The following NAV3 variants were observed in gnomAD, a reference collection of about 807,000 sequenced individuals.
The protein encoded by NAV3 is pore membrane and/or filament interacting like protein 1.
A neutral mutation model predicts 244.7 loss-of-function variants in NAV3; 87 were observed. The ratio of observed to expected loss-of-function variants is 0.36; its 90% CI spans 0.30 to 0.42. The LOEUF is 0.42. NAV3 is among the 20% of genes least tolerant of loss of function. NAV3 has a pLI of 1.00. For missense variants in NAV3, 2,663 were observed against 2,893.3 expected, an observed-to-expected ratio of 0.92 and a Z score of 1.83; for synonymous variants, 1,126 against 1,042.2, an observed-to-expected ratio of 1.08 and a Z score of -1.55.
intron 1 of NAV3, 122 bp from the exon 2 acceptor site, chr12:77,940,197 A>C: frequency 1.4e-6 from 1 of 704,256 alleles, no homozygotes. Context: ...TAGAGCTATG[A>C]CTTCTTAAAC....
At chr12:77,879,160 C>G (rs1882264980) in intron 1 of NAV3, among the ~76,000 whole-genome samples, 1 of 152,072 alleles carries the variant, frequency 6.6e-6, no homozygotes, top group South Asian at 2.1e-4. Flanking sequence ...AGTTGCGAAC[C>G]CGCTTGGATA....
rs75738397 is a variant in NAV3 at position 78,118,170 on chromosome 12, C to T, written c.2913C>T (p.Asp971=). Residue 971 remains aspartate, a synonymous_variant, in exon 14 of 40, where the codon GAC becomes GAT. Coordinates refer to ENST00000397909, the MANE Select transcript of NAV3 (RefSeq NM_001024383.2). The part of the protein sequence containing the change: ...WKTVSSGLPE[D]PEKAGQKASL... ...CTGTGTCCTCTGGACTTCCTGAAGA[C>T]CCCGAGAAGGCAGGGCAGAAAGCTT... 6.2e-7 allele frequency: 1 copy of T among 1,613,990 alleles called. No homozygotes were observed. The highest frequency in any genetic ancestry group is 1.1e-5 in the South Asian group (1 of 91,054).
chr12:77,700,662 T>C (rs1875521048), intron 2 of NAV3, among the ~76,000 whole-genome samples: 1 of 152,018 alleles, frequency 6.6e-6, no homozygotes, highest in Admixed American at 6.6e-5. Context: ...TCTTTTACTA[T>C]TGAGTATGAT....
chr12:77,654,623 TG>T (rs1872995326), intron 2 of NAV3, among the ~76,000 whole-genome samples: 7 of 152,146 alleles, frequency 4.6e-5, no homozygotes, highest in Admixed American at 4.6e-4. Context: ...AGCACGCAGC[TG>T]GAGATCTGAG....
intron 2 of NAV3, among the ~76,000 whole-genome samples, chr12:77,614,739 A>G (rs1871081620): frequency 6.6e-6 from 1 of 152,198 alleles, no homozygotes; most frequent in Non-Finnish European, 1.5e-5. Context: ...TAGTAAAACT[A>G]TGTGCTTTCA....
chr12:77,823,752 G>C (rs955606287), intron 2 of NAV3, among the ~76,000 whole-genome samples: 2 of 152,092 alleles, frequency 1.3e-5, no homozygotes, highest in Admixed American at 1.3e-4. Context: ...AATGTGACAT[G>C]ACTCATATCC....
intron 2 of NAV3, among the ~76,000 whole-genome samples, chr12:77,741,148 C>CAAAAAAAAAAAAAAAAAAAAAAAAAAAGA: frequency 2.9e-5 from 2 of 68,670 alleles, no homozygotes; most frequent in Admixed American, 1.8e-4. Flanking sequence ...AAAAAAAAGA[C>CAAAAAAAAAAAAAAAAAAAAAAAAAAAGA]AAAAAAAAAA....
chr12:77,837,254 GTT>G (rs1483629563), intron 1 of NAV3, among the ~76,000 whole-genome samples: 4 of 149,952 alleles, frequency 2.7e-5, no homozygotes, highest in Non-Finnish European at 4.4e-5. Flanking sequence ...AACTTTAAAA[GTT>G]TACATAACTT....
chr12:77,959,184 C>T (rs1891642116), intron 3 of NAV3, among the ~76,000 whole-genome samples: 1 of 152,126 alleles, frequency 6.6e-6, no homozygotes, highest in Non-Finnish European at 1.5e-5. Flanking sequence ...AAATTGGAAT[C>T]ACCTGCAGAT....
chr12:77,989,552 T>C (rs540943670), intron 5 of NAV3, among the ~76,000 whole-genome samples: 70 of 152,324 alleles, frequency 4.6e-4, no homozygotes, highest in African/African-American at 1.6e-3. Flanking sequence ...TAGACACTTA[T>C]GTAGCAACAG....
chr12:78,068,622 AT>A (rs1368274428), intron 12 of NAV3, among the ~76,000 whole-genome samples: 4 of 147,288 alleles, frequency 2.7e-5, no homozygotes, highest in Admixed American at 6.8e-5. Context: ...ATAATATATA[AT>A]TATATATAAT....
chr12:78,141,404 A>T (rs151068085), intron 20 of NAV3, among the ~76,000 whole-genome samples: 107 of 152,300 alleles, frequency 7.0e-4, no homozygotes, highest in African/African-American at 2.5e-3. Context: ...CAGCCTACTG[A>T]ATCTCAATGG....
chr12:77,910,612 G>T (rs935197835), intron 1 of NAV3, among the ~76,000 whole-genome samples: 3 of 152,116 alleles, frequency 2.0e-5, no homozygotes, highest in African/African-American at 7.2e-5. Flanking sequence ...ATTGACTAGT[G>T]TCTGACCACC....
At chr12:77,730,900 G>A (rs139879699) in intron 2 of NAV3, among the ~76,000 whole-genome samples, 2 of 151,482 alleles carry the variant, frequency 1.3e-5, no homozygotes, top group East Asian at 1.9e-4. Context: ...CTTAATAGAA[G>A]TACTAGAAGC....
intron 2 of NAV3, among the ~76,000 whole-genome samples, chr12:77,802,437 T>C (rs1340531030): frequency 2.6e-5 from 4 of 152,218 alleles, no homozygotes; most frequent in South Asian, 4.1e-4. Context: ...GTGGTTTACA[T>C]TTGTAGCTTA....
chr12:78,016,433 C>T (rs1363028429), intron 8 of NAV3, among the ~76,000 whole-genome samples: 2 of 152,070 alleles, frequency 1.3e-5, no homozygotes, highest in Non-Finnish European at 1.5e-5. Flanking sequence ...CCATGAGAAA[C>T]TTGGCTCTCA....
At chr12:78,175,883 AATG>A (rs989866337) in intron 25 of NAV3, among the ~76,000 whole-genome samples, 18 of 151,146 alleles carry the variant, frequency 1.2e-4, no homozygotes, top group South Asian at 2.1e-4. Context: ...AAAGTGAAAA[AATG>A]ATGATGATGG....
At chr12:77,965,323 A>T (rs906402112) in intron 3 of NAV3, among the ~76,000 whole-genome samples, 6 of 152,178 alleles carry the variant, frequency 3.9e-5, no homozygotes, top group Non-Finnish European at 7.4e-5. Context: ...GAAACCAATC[A>T]TTTAAAATCC....
chr12:77,627,150 TC>T (rs1871667174), intron 2 of NAV3, among the ~76,000 whole-genome samples: 1 of 151,910 alleles, frequency 6.6e-6, no homozygotes, highest in African/African-American at 2.4e-5. Context: ...GAAATACACT[TC>T]CCCTGCAAAG....
Sources: gnomAD v4.1 joint callset for allele counts (sites outside exome capture counted in the v4.1 genomes callset) on GRCh38, gnomAD v4.1.1 for gene constraint, MANE v1.5 for transcripts, NCBI Gene and HGNC (gene_info 2026-07-23, HGNC 2026-07-21) for gene names.